Variants in SYDE2 observed in about 807,000 individuals in gnomAD.
SYDE2 encodes synapse defective Rho GTPase homolog 2.
In SYDE2, 76 loss-of-function variants were observed where a neutral mutation model predicts 91.5. The ratio of observed to expected loss-of-function variants is 0.83; its 90% CI spans 0.69 to 1.01. The LOEUF is 1.01. Among genes scored for constraint, SYDE2 ranks in the 50% least tolerant of loss-of-function variants. The pLI, the probability that SYDE2 is intolerant of heterozygous loss-of-function variation, is 0.00. For missense variants in SYDE2, 1,364 were observed against 1,367.7 expected (o/e 1.00, Z 0.04); for synonymous variants, 513 against 506.4 (o/e 1.01, Z -0.18).
chr1:85,181,802 C>T (rs1657930732), intron 3 of SYDE2: 1 of 232,296 alleles, frequency 4.3e-6, no homozygotes, highest in Admixed American at 5.0e-5. Flanking sequence ...CCTATGTTAT[C>T]AGCTCTGACT....
chr1:85,155,037 G>C (rs948763283), downstream of SYDE2, among the ~76,000 whole-genome samples: 1 of 107,368 alleles, frequency 9.3e-6, no homozygotes, highest in African/African-American at 3.6e-5. Context: ...AAAAGAAAAA[G>C]AAAAAAGAAA....
rs12121540 is a variant in SYDE2, at chr1:85,200,473, T to G, written c.524A>C (p.Gln175Pro). ...SVIRSGKGDR[Q>P]EGPSFLRPPA... is the part of the protein sequence containing the mutation. ...CGGCCTGAGGAAGGAGGGGCCTTCC[T>G]GGCGGTCTCCTTTGCCACTGCGTAT... Residue 175 changes from glutamine (Q) to proline (P), a missense_variant, in exon 1 of 7, where the codon CAG (glutamine) becomes CCG (proline). Coordinates refer to ENST00000341460, the MANE Select transcript of SYDE2 (RefSeq NM_032184.2). The G allele has an allele frequency of 0.26, 426,083 of 1,613,746 alleles. 59,706 individuals carry two copies. Among genetic ancestry groups the G allele is most frequent in the East Asian group, 0.5 (22,315 of 44,842 alleles).
At chr1:85,166,463 G>A (rs1657280498) in intron 5 of SYDE2, among the ~76,000 whole-genome samples, 1 of 151,996 alleles carries the variant, frequency 6.6e-6, no homozygotes, top group South Asian at 2.1e-4. Flanking sequence ...GCGACAAATG[G>A]ATTTGCTGGT....
intron 6 of SYDE2, among the ~76,000 whole-genome samples, chr1:85,163,508 T>A (rs1657154252): frequency 7.4e-6 from 1 of 134,510 alleles, no homozygotes; most frequent in Non-Finnish European, 1.6e-5. Flanking sequence ...AGACATTGAC[T>A]GAGTGCTCAC....
chr1:85,161,795 AT>A (rs1657072612), intron 6 of SYDE2, among the ~76,000 whole-genome samples: 1 of 151,952 alleles, frequency 6.6e-6, no homozygotes, highest in South Asian at 2.1e-4. Flanking sequence ...CTCTAAATTG[AT>A]TTATCCATCT....
chr1:85,189,920 TA>T, intron 2 of SYDE2, 136 bp downstream of exon 2: 1 of 724,544 alleles, frequency 1.4e-6, no homozygotes, highest in South Asian at 2.2e-5. Context: ...TTTTGAGTTT[TA>T]TTTTCATGAA....
At chr1:85,159,743 G>C (rs1015930022) in intron 6 of SYDE2, 14 of 628,036 alleles carry the variant, frequency 2.2e-5, no homozygotes, top group South Asian at 7.1e-5. Context: ...AATTCTATTA[G>C]CATCAGAGTC....
At position 85,166,334 on chromosome 1, in the gene SYDE2, G is replaced by A. The variant is rs111266447; in HGVS notation, c.2854-1577C>T. On this transcript the variant is annotated intron_variant, in intron 5 of 6. Coordinates refer to ENST00000341460, the MANE Select transcript of SYDE2 (RefSeq NM_032184.2). ...AGCGTGGGTGACAGAGCAAGACTCCGTCTCAAAAAAAAAAAAAATTTTTTT... is the reference window on the plus strand; with the variant it reads ...AGCGTGGGTGACAGAGCAAGACTCCATCTCAAAAAAAAAAAAAATTTTTTT... Among the ~76,000 whole-genome samples the A allele has an allele frequency of 3.3e-3, 475 of 144,762 alleles. 2 individuals carry two copies. Among genetic ancestry groups the A allele is most frequent in the African/African-American group, 0.012 (461 of 38,026 alleles). The allele number at this position is 144,762 out of a possible 152,430, so 95.0% of individuals were successfully genotyped here.
At position 85,159,264 on chromosome 1, in the gene SYDE2, T is replaced by C. The variant is rs764078890; in HGVS notation, c.3086-15A>G. ...TAAACGCTGCACTAGAAACAAACAA[T>C]AATTTTGCTTTAGTGACAGTAATCC... On this transcript the variant is annotated splice_polypyrimidine_tract_variant and intron_variant, in intron 6 of 6. Coordinates refer to ENST00000341460, the MANE Select transcript of SYDE2 (RefSeq NM_032184.2). The C allele has an allele frequency of 6.5e-6, 5 of 773,172 alleles. No homozygotes were observed. The highest frequency in any genetic ancestry group is 1.2e-5 in the Non-Finnish European group (5 of 416,736). 47.9% of individuals were successfully genotyped at this position (773,172 alleles called of 1,614,324 possible).
At chr1:85,164,922 G>A (rs1433875609) in intron 5 of SYDE2, among the ~76,000 whole-genome samples, 165 bp from the exon 6 acceptor site, 1 of 152,096 alleles carries the variant, frequency 6.6e-6, no homozygotes, top group Admixed American at 6.5e-5. Context: ...GTTTCTAATA[G>A]AAACATTATA....
At position 85,165,836 on chromosome 1, in the gene SYDE2, G is replaced by A. The variant is rs184777622; in HGVS notation, c.2854-1079C>T. 1.7e-4 allele frequency among the ~76,000 whole-genome samples: 25 copies of A among 147,932 alleles called. No homozygotes were observed. The East Asian group carries it at 4.8e-3, about 28-fold the overall frequency. On this transcript the variant is annotated intron_variant, in intron 5 of 6. Transcript: ENST00000341460. ...GTAATTTTTTCTTCAAAACTGTATT[G>A]AAGACATTGATGCCAATTAAAAACT...
At chr1:85,199,274 A>C (rs1240106828) in intron 1 of SYDE2, among the ~76,000 whole-genome samples, 3 of 152,268 alleles carry the variant, frequency 2.0e-5, no homozygotes, top group Middle Eastern at 3.4e-3. Flanking sequence ...ATCACTAAAA[A>C]TTTTTATATG....
chr1:85,182,540 T>C lies in SYDE2; in HGVS notation c.2102A>G (p.Asp701Gly). 6.2e-7 allele frequency: 1 copy of C among 1,613,922 alleles called. No individual in the cohort carries two copies. The highest frequency in any genetic ancestry group is 1.7e-5 in the Admixed American group (1 of 60,004). ...ATCTACCTGAATTGCACAAAAGACG[T>C]CTTTTGAATCTATCCGAGGTGGTTT... ...DLKPPRIDSK[D>G]VFCAIQVDSV... The change falls in exon 3 of 7, where the codon GAC becomes GGC. Residue 701 changes from aspartate (D) to glycine (G), a missense_variant. Asp to Gly is a moderately conservative substitution (Grantham distance 94). Coordinates refer to ENST00000341460, the MANE Select transcript of SYDE2 (RefSeq NM_032184.2).
chr1:85,200,846 C>T lies in SYDE2; in HGVS notation c.151G>A (p.Gly51Ser). The T allele has an allele frequency of 7.2e-7, 1 of 1,380,754 alleles. No individual in the cohort carries two copies. The highest frequency in any genetic ancestry group is 1.7e-5 in the South Asian group (1 of 59,578). The allele number at this position is 1,380,754 out of a possible 1,614,324, so 85.5% of individuals were successfully genotyped here. A position where few individuals can be genotyped will look rare whatever the true frequency, so the allele number is the denominator to read the frequency against. ...RACPRDGERG[G>S]GGRPRQQVSP... ...ACCTGCTGCCGAGGGCGTCCGCCGC[C>T]TCCCCGCTCCCCGTCCCGGGGGCAG... The change falls in exon 1 of 7, where the codon GGC (glycine) becomes AGC (serine). Residue 51 changes from glycine to serine, a missense_variant. Coordinates refer to ENST00000341460, the MANE Select transcript of SYDE2 (RefSeq NM_032184.2).
At chr1:85,193,187 A>C (rs1417464039) in intron 1 of SYDE2, among the ~76,000 whole-genome samples, 2 of 152,214 alleles carry the variant, frequency 1.3e-5, no homozygotes, top group African/African-American at 4.8e-5. Flanking sequence ...CATACTCAGC[A>C]ATCACTGGGG....
At chr1:85,181,454 C>T (rs1264650841) in intron 3 of SYDE2, 2 of 151,954 alleles carry the variant, frequency 1.3e-5, no homozygotes, top group African/African-American at 4.8e-5. Flanking sequence ...CCCAGCCACT[C>T]CATCTATTTT....
chr1:85,163,445 C>CTATATCTA (rs1657141297), intron 6 of SYDE2, among the ~76,000 whole-genome samples: 2 of 87,630 alleles, frequency 2.3e-5, no homozygotes, highest in East Asian at 3.7e-4. Flanking sequence ...GTACTTTAAT[C>CTATATCTA]TATATATATA....
intron 3 of SYDE2, among the ~76,000 whole-genome samples, chr1:85,179,167 A>G (rs1480214680): frequency 1.3e-5 from 2 of 152,208 alleles, no homozygotes; most frequent in Admixed American, 6.5e-5. Flanking sequence ...ATCTAAGACT[A>G]TTTAGAAAGC....
chr1:85,166,590 A>G (rs879263224), intron 5 of SYDE2, among the ~76,000 whole-genome samples: 1 of 152,160 alleles, frequency 6.6e-6, no homozygotes, highest in South Asian at 2.1e-4. Flanking sequence ...GCTGGAATAA[A>G]TAGCCCTTCA....
Sources: gnomAD v4.1 joint callset for allele counts (sites outside exome capture counted in the v4.1 genomes callset) on GRCh38, gnomAD v4.1.1 for gene constraint, MANE v1.5 for transcripts, NCBI Gene and HGNC (gene_info 2026-07-23, HGNC 2026-07-21) for gene names.